The following LRTM2 variants were observed in gnomAD, a reference collection of about 807,000 sequenced individuals.
The protein encoded by LRTM2 is leucine rich repeat transmembrane protein 2.
A neutral mutation model predicts 28.1 loss-of-function variants in LRTM2; 18 were observed. That is an observed-to-expected ratio of 0.64 (90% CI 0.44 to 0.95). The LOEUF (loss-of-function observed/expected upper bound fraction) is 0.95, where lower values mean the gene tolerates loss of function less well. Ranked by LOEUF, LRTM2 falls within the 40% of genes least tolerant of loss-of-function variation. LRTM2 has a pLI of 0.00. For missense variants in LRTM2, 436 were observed against 497.2 expected, an observed-to-expected ratio of 0.88 and a Z score of 1.17; for synonymous variants, 250 against 218.7, an observed-to-expected ratio of 1.14 and a Z score of -1.26.
rs2154447333 is a variant in LRTM2 at position 1,834,547 on chromosome 12, T to C, written c.939T>C (p.Ile313=). 6.2e-7 allele frequency: 1 copy of C among 1,604,002 alleles called. No individual in the cohort carries two copies. The change falls in exon 5 of 5, where the codon ATT becomes ATC. Residue 313 remains isoleucine (I), a synonymous_variant. Coordinates refer to ENST00000299194, the MANE Select transcript of LRTM2 (RefSeq NM_001039029.3). The surrounding 1 kb of genome is among the most constrained non-coding windows in gnomAD (Gnocchi z 7.6). The part of the protein sequence containing the change: ...SVRRAMGTVI[I]AGVVCGVVCI... ...GGCGAGCCATGGGCACGGTGATCATTGCAGGGGTCGTGTGCGGCGTCGTCT... is the reference window on the plus strand; with the variant it reads ...GGCGAGCCATGGGCACGGTGATCATCGCAGGGGTCGTGTGCGGCGTCGTCT...
At chr12:1,824,011 G>T (rs1864217577) in intron 1 of LRTM2, among the ~76,000 whole-genome samples, 1 of 152,178 alleles carries the variant, frequency 6.6e-6, no homozygotes. Flanking sequence ...TTCATTTCTG[G>T]TGCCTCAGTT....
chr12:1,823,351 G>A (rs1164028618), intron 1 of LRTM2: 2 of 152,210 alleles, frequency 1.3e-5, no homozygotes, highest in Non-Finnish European at 2.9e-5. Context: ...AAATGGAAGG[G>A]GCAGGTGCAT....
Position 1,831,214 on chromosome 12 carries a change from C to A in LRTM2, c.347C>A (p.Thr116Lys). ...RLPRSIFGDL[T>K]NLTELQLRNN... ...CCCCGCTCCATTTTCGGGGACCTGA[C>A]GAATCTGACTGAGCTTCAGCTGCGC... Residue 116 changes from threonine to lysine, a missense_variant, in exon 4 of 5, where the codon ACG becomes AAG. Coordinates refer to ENST00000299194, the MANE Select transcript of LRTM2 (RefSeq NM_001039029.3). The A allele has an allele frequency of 6.2e-7, 1 of 1,613,844 alleles. No individual in the cohort carries two copies. The highest frequency in any genetic ancestry group is 8.5e-7 in the Non-Finnish European group (1 of 1,180,030).
In LRTM2 at chr12:1,829,601, G is replaced by A. The variant is rs35951631; in HGVS notation, c.68-1334G>A. On this transcript the variant is annotated intron_variant, in intron 3 of 4. Coordinates refer to ENST00000299194, the MANE Select transcript of LRTM2 (RefSeq NM_001039029.3). This position sits in a 1 kb window ranked among gnomAD's most constrained non-coding sequence, Gnocchi z 4.2. ...GCAGGGAAGGGGAGAGTCTCATCCTGTTCCTTCAAGCTCCACCCTTTGGGA... is the reference window on the plus strand; with the variant it reads ...GCAGGGAAGGGGAGAGTCTCATCCTATTCCTTCAAGCTCCACCCTTTGGGA... 0.094 allele frequency among the ~76,000 whole-genome samples: 14,266 copies of A among 151,862 alleles called. 836 individuals carry two copies. The highest frequency in any genetic ancestry group is 0.13 in the Non-Finnish European group (8,680 of 67,870).
chr12:1,826,055 G>A (rs1864304270), intron 1 of LRTM2, among the ~76,000 whole-genome samples: 3 of 152,152 alleles, frequency 2.0e-5, no homozygotes, highest in East Asian at 1.9e-4. Context: ...CCACAGGCCC[G>A]GGGTGCTCAG....
In LRTM2 at chr12:1,829,287, T is replaced by C. The variant is rs1444977042; in HGVS notation, c.67+1072T>C. On this transcript the variant is annotated intron_variant, in intron 3 of 4. Transcript: ENST00000299194. This position sits in a 1 kb window ranked among gnomAD's most constrained non-coding sequence, Gnocchi z 4.2. ...CCTTTTGAGAGGGAGCTGAATGCGT[T>C]GGATTTTATTTCCTGGGGAAAGTCA... is the stretch of plus-strand genomic sequence containing the variant. Among the ~76,000 whole-genome samples the C allele has an allele frequency of 1.3e-5, 2 of 152,144 alleles. No individual in the cohort carries two copies. The highest frequency in any genetic ancestry group is 4.8e-5 in the African/African-American group (2 of 41,426).
At position 1,834,383 on chromosome 12, in the gene LRTM2, T is replaced by C; in HGVS notation, c.775T>C (p.Ser259Pro). The change falls in exon 5 of 5, where the codon TCA becomes CCA. Residue 259 changes from serine to proline, a missense_variant. By Grantham distance (74) the Ser-to-Pro change is moderately conservative (BLOSUM62 -1). Coordinates refer to ENST00000299194, the MANE Select transcript of LRTM2 (RefSeq NM_001039029.3). This position sits in a 1 kb window ranked among gnomAD's most constrained non-coding sequence, Gnocchi z 7.6. ...CTCCCAGCTGGAGGACGAGAATAGC[T>C]CAGCTGGGCTGGATATTCCTGGGCC... ...YCSQLEDENSSAGLDIPGPPC... is the reference protein window; with the variant it reads ...YCSQLEDENSPAGLDIPGPPC... 1 of 1,613,134 alleles carries C rather than the reference T, an allele frequency of 6.2e-7. No individual in the cohort carries two copies. The highest frequency in any genetic ancestry group is 8.5e-7 in the Non-Finnish European group (1 of 1,179,984).
rs146521480 is a variant in LRTM2 at position 1,834,961 on chromosome 12, G to T, written c.*240G>T. The T allele has an allele frequency of 5.8e-6, 4 of 692,778 alleles. No homozygotes were observed. The highest frequency in any genetic ancestry group is 4.6e-6 in the Non-Finnish European group (2 of 437,872). 42.9% of individuals were successfully genotyped at this position (692,778 alleles called of 1,614,324 possible). ...GGGCCAGTAAATCTTTGGAACATGTGGGGGATCTCCCTAAGCTCTGGCCAC... is the reference window on the plus strand; with the variant it reads ...GGGCCAGTAAATCTTTGGAACATGTTGGGGATCTCCCTAAGCTCTGGCCAC... On this transcript the variant is annotated 3_prime_UTR_variant, in exon 5 of 5. Transcript: ENST00000299194. This position sits in a 1 kb window ranked among gnomAD's most constrained non-coding sequence, Gnocchi z 7.6.
intron 1 of LRTM2, among the ~76,000 whole-genome samples, chr12:1,826,085 A>T (rs1864305421): frequency 6.6e-6 from 1 of 152,132 alleles, no homozygotes; most frequent in Non-Finnish European, 1.5e-5. Context: ...ACAACCTCAC[A>T]GGGGAGGTTG....
Position 1,831,177 on chromosome 12 carries a change from C to G in LRTM2, c.310C>G (p.Leu104Val). The change falls in exon 4 of 5, where the codon CTG becomes GTG. Residue 104 changes from leucine to valine, a missense_variant. Leu to Val is a conservative substitution (Grantham distance 32, BLOSUM62 1). Transcript: ENST00000299194. ...LQRLDLSNNF[L>V]DRLPRSIFGD... ...GCGGTTGGACCTGTCCAACAACTTC[C>G]TGGACCGGCTGCCCCGCTCCATTTT... 2 of 1,613,974 alleles carry G rather than the reference C, an allele frequency of 1.2e-6. No individual in the cohort carries two copies. Among genetic ancestry groups the G allele is most frequent in the African/African-American group, 1.3e-5 (1 of 75,070 alleles).
rs1169730787 is a variant in LRTM2 at position 1,833,188 on chromosome 12, G to A, written c.659-1079G>A. Among the ~76,000 whole-genome samples the A allele has an allele frequency of 2.0e-5, 3 of 152,184 alleles. No individual in the cohort carries two copies. The highest frequency in any genetic ancestry group is 2.9e-5 in the Non-Finnish European group (2 of 68,048). On this transcript the variant is annotated intron_variant, in intron 4 of 4. Coordinates refer to ENST00000299194, the MANE Select transcript of LRTM2 (RefSeq NM_001039029.3). The surrounding 1 kb of genome is among the most constrained non-coding windows in gnomAD (Gnocchi z 4.2). ...AACAAAATCCTGGAATATTTCCATC[G>A]GCATCCCAGGGAAAGATTGATGCCT...
rs1322662616 is a variant in LRTM2, at chr12:1,834,414, G to A, written c.806G>A (p.Cys269Tyr). The A allele has an allele frequency of 1.2e-6, 2 of 1,612,972 alleles. No individual in the cohort carries two copies. Among genetic ancestry groups the A allele is most frequent in the South Asian group, 1.1e-5 (1 of 91,076 alleles). Residue 269 changes from cysteine to tyrosine, a missense_variant, in exon 5 of 5, where the codon TGC becomes TAC. Physicochemically the swap from Cys to Tyr is radical, Grantham distance 194. Coordinates refer to ENST00000299194, the MANE Select transcript of LRTM2 (RefSeq NM_001039029.3). The surrounding 1 kb of genome is among the most constrained non-coding windows in gnomAD (Gnocchi z 7.6). ...GGGCTGGATATTCCTGGGCCACCCTGCACCAAGGCCAGTCCAGAGCCTGCT... is the reference window on the plus strand; with the variant it reads ...GGGCTGGATATTCCTGGGCCACCCTACACCAAGGCCAGTCCAGAGCCTGCT... ...SAGLDIPGPP[C>Y]TKASPEPAKP...
chr12:1,822,623 G>A (rs1592676692), intron 1 of LRTM2, among the ~76,000 whole-genome samples: 1 of 152,226 alleles, frequency 6.6e-6, no homozygotes, highest in South Asian at 2.1e-4. Flanking sequence ...ACAAGGAAAC[G>A]GGGGTGCAGG....
rs1264821969 is a variant in LRTM2 at position 1,828,090 on chromosome 12, G to A, written c.-59G>A. 68 of 1,439,566 alleles carry A rather than the reference G, an allele frequency of 4.7e-5. No homozygotes were observed. The Middle Eastern group carries it at 7.2e-4, about 15-fold the overall frequency. 89.2% of individuals were successfully genotyped at this position (1,439,566 alleles called of 1,614,324 possible). A position where few individuals can be genotyped will look rare whatever the true frequency, so the allele number is the denominator to read the frequency against. ...CCCTCCCTCAGGACTGACAGGCGGC[G>A]CACCCAGGGGCTCCTCTCTCCCCAG... On this transcript the variant is annotated 5_prime_UTR_variant, in exon 3 of 5. Transcript: ENST00000299194. The surrounding 1 kb of genome is among the most constrained non-coding windows in gnomAD (Gnocchi z 4.2).
intron 1 of LRTM2, among the ~76,000 whole-genome samples, chr12:1,822,341 G>T (rs1310589560): frequency 2.2e-4 from 34 of 152,116 alleles, no homozygotes. Flanking sequence ...GGGGTGTCTG[G>T]GAGTTCTGGG....
chr12:1,828,945 G>A lies in LRTM2; in HGVS notation c.67+730G>A, dbSNP rs921538345. ...CTGGTCTGCCCAAGGCTACACGGTG[G>A]CAGGGAGGAAACGGTCCCGCGGGAC... On this transcript the variant is annotated intron_variant, in intron 3 of 4. Transcript: ENST00000299194. The surrounding 1 kb of genome is among the most constrained non-coding windows in gnomAD (Gnocchi z 4.2). 4.6e-5 allele frequency among the ~76,000 whole-genome samples: 7 copies of A among 152,230 alleles called. No individual in the cohort carries two copies. Among genetic ancestry groups the A allele is most frequent in the Non-Finnish European group, 8.8e-5 (6 of 68,050 alleles).
In LRTM2 at chr12:1,828,817, A is replaced by G. The variant is rs1424703478; in HGVS notation, c.67+602A>G. Among the ~76,000 whole-genome samples the G allele has an allele frequency of 3.3e-5, 5 of 152,188 alleles. No homozygotes were observed. Among genetic ancestry groups the G allele is most frequent in the African/African-American group, 1.2e-4 (5 of 41,450 alleles). ...CAGACTGAGCCGTCCATTTACCAAAAAGGGGAGGAAGCGTGAATGAAGGCA... is the reference window on the plus strand; with the variant it reads ...CAGACTGAGCCGTCCATTTACCAAAGAGGGGAGGAAGCGTGAATGAAGGCA... On this transcript the variant is annotated intron_variant, in intron 3 of 4. Transcript: ENST00000299194. The surrounding 1 kb of genome is among the most constrained non-coding windows in gnomAD (Gnocchi z 4.2).
Position 1,835,859 on chromosome 12 carries a change from G to A in LRTM2, c.*1138G>A, listed in dbSNP as rs189563926. ...CCTCCACAGCCTGCAGCCTGGCACC[G>A]TGACTCTGTGCCTCTCGCCCTCCAT... is the stretch of plus-strand genomic sequence containing the variant. On this transcript the variant is annotated 3_prime_UTR_variant, in exon 5 of 5. Transcript: ENST00000299194. 0.011 allele frequency: 1,635 copies of A among 152,732 alleles called. 35 individuals are homozygous for A. Among genetic ancestry groups the A allele is most frequent in the Admixed American group, 0.039 (597 of 15,312 alleles). The allele number at this position is 152,732 out of a possible 1,614,324, so 9.5% of individuals were successfully genotyped here. A position where few individuals can be genotyped will look rare whatever the true frequency, so the allele number is the denominator to read the frequency against.
intron 4 of LRTM2, among the ~76,000 whole-genome samples, chr12:1,832,678 A>G (rs570842415): frequency 6.6e-6 from 1 of 152,238 alleles, no homozygotes; most frequent in Non-Finnish European, 1.5e-5. Context: ...GTTAGTCACT[A>G]TGATCATTTC....
Sources: gnomAD v4.1 joint callset for allele counts (sites outside exome capture counted in the v4.1 genomes callset) on GRCh38, gnomAD v4.1.1 for gene constraint, Gnocchi (gnomAD v3.1) non-coding constraint, MANE v1.5 for transcripts, NCBI Gene and HGNC (gene_info 2026-07-23, HGNC 2026-07-21) for gene names.